Variants in DPY19L2 observed in about 807,000 individuals in gnomAD.
The protein encoded by DPY19L2 is probable C-mannosyltransferase DPY19L2.
In DPY19L2, 34 loss-of-function variants were observed where a neutral mutation model predicts 97.9. That is an observed-to-expected ratio of 0.35 (90% CI 0.26 to 0.46). The LOEUF (loss-of-function observed/expected upper bound fraction) is 0.46. DPY19L2 is among the 20% of genes least tolerant of loss of function. The pLI is 1.00. For synonymous variants in DPY19L2, 230 were observed against 307.9 expected, an observed-to-expected ratio of 0.75 and a Z score of 2.65; for missense variants, 623 against 911.4, an observed-to-expected ratio of 0.68 and a Z score of 4.07.
intron 15 of DPY19L2, among the ~76,000 whole-genome samples, chr12:63,595,732 A>T (rs1042106699): frequency 6.6e-6 from 1 of 152,182 alleles, no homozygotes; most frequent in Admixed American, 6.5e-5. Context: ...TACAATGTTA[A>T]TGTAGTCCTT....
At chr12:63,638,006 C>T (rs572334356) in intron 6 of DPY19L2, among the ~76,000 whole-genome samples, 20 of 152,240 alleles carry the variant, frequency 1.3e-4, no homozygotes, top group Admixed American at 7.2e-4. Context: ...AAAGCTTATC[C>T]ACCATGATCA....
chr12:63,603,031 C>T (rs1885432871), intron 12 of DPY19L2, among the ~76,000 whole-genome samples: 1 of 151,988 alleles, frequency 6.6e-6, no homozygotes, highest in African/African-American at 2.4e-5. Context: ...AAAACAGATT[C>T]AGAAAGGTGA....
chr12:63,640,368 C>T (rs557259768), intron 6 of DPY19L2, among the ~76,000 whole-genome samples: 4 of 152,014 alleles, frequency 2.6e-5, no homozygotes, highest in East Asian at 3.9e-4. Context: ...AAAAAAGATA[C>T]GAGAGGATAT....
At chr12:63,664,646 T>C (rs1175535229) in intron 2 of DPY19L2, among the ~76,000 whole-genome samples, 3 of 152,276 alleles carry the variant, frequency 2.0e-5, no homozygotes, top group Admixed American at 6.5e-5. Flanking sequence ...GACCTTTTAG[T>C]AGTGAAACTC....
At chr12:63,640,166 G>C (rs1348661907) in intron 6 of DPY19L2, among the ~76,000 whole-genome samples, 2 of 152,010 alleles carry the variant, frequency 1.3e-5, no homozygotes, top group Non-Finnish European at 1.5e-5. Flanking sequence ...ACACTTGGAC[G>C]CAGTTTGGGG....
chr12:63,578,531 TAC>T (rs1484094872), intron 19 of DPY19L2, among the ~76,000 whole-genome samples: 1 of 152,128 alleles, frequency 6.6e-6, no homozygotes, highest in African/African-American at 2.4e-5. Context: ...ATGTGATGAT[TAC>T]ACATTGTATG....
intron 20 of DPY19L2, among the ~76,000 whole-genome samples, chr12:63,569,771 T>C (rs1334266321): frequency 6.6e-6 from 1 of 152,110 alleles, no homozygotes; most frequent in Non-Finnish European, 1.5e-5. Context: ...GTGTATCAAG[T>C]AGAACACTTA....
At chr12:63,633,389 A>G (rs1891069158) in intron 6 of DPY19L2, among the ~76,000 whole-genome samples, 1 of 152,234 alleles carries the variant, frequency 6.6e-6, no homozygotes, top group Admixed American at 6.5e-5. Flanking sequence ...CAACCCCATC[A>G]AAAAGTGGGT....
chr12:63,667,227 T>A (rs949285361), intron 1 of DPY19L2, among the ~76,000 whole-genome samples: 4 of 152,176 alleles, frequency 2.6e-5, no homozygotes, highest in Non-Finnish European at 5.9e-5. Flanking sequence ...GAGACTATCC[T>A]GTTCAACTAT....
At chr12:63,622,991 A>T (rs1466295030) in intron 8 of DPY19L2, among the ~76,000 whole-genome samples, 1 of 152,156 alleles carries the variant, frequency 6.6e-6, no homozygotes, top group Admixed American at 6.6e-5. Context: ...AAAAATAAGG[A>T]AGACAAACAA....
chr12:63,608,482 T>G (rs979961651), intron 12 of DPY19L2, 134 bp downstream of exon 12: 9 of 927,842 alleles, frequency 9.7e-6, no homozygotes, highest in East Asian at 2.7e-5. Flanking sequence ...CTACCTTAGA[T>G]AGTAACTATT....
At chr12:63,572,834 GGTAGT>G (rs1486698413) in intron 19 of DPY19L2, among the ~76,000 whole-genome samples, 1 of 152,026 alleles carries the variant, frequency 6.6e-6, no homozygotes, top group Non-Finnish European at 1.5e-5. Context: ...AGACCACCAA[GGTAGT>G]ACCTCTAAGA....
intron 4 of DPY19L2, among the ~76,000 whole-genome samples, chr12:63,649,372 G>A (rs1893869093): frequency 6.6e-6 from 1 of 151,922 alleles, no homozygotes. Context: ...CCATACAAAA[G>A]ATCAACAAAA....
At chr12:63,581,461 T>C (rs1880878575) in intron 18 of DPY19L2, among the ~76,000 whole-genome samples, 1 of 149,984 alleles carries the variant, frequency 6.7e-6, no homozygotes, top group Non-Finnish European at 1.5e-5. Flanking sequence ...CAGGGTACTT[T>C]TGGTGAACCA....
Position 63,647,079 on chromosome 12 carries a change from C to G in DPY19L2, c.709+166G>C, listed in dbSNP as rs184061029. ...ATACTCAAATTTTTAAGTACACAGCCTTCTCAGAAAACTATTTTAAAATGT... is the reference window on the plus strand; with the variant it reads ...ATACTCAAATTTTTAAGTACACAGCGTTCTCAGAAAACTATTTTAAAATGT... On this transcript the variant is annotated intron_variant, in intron 5 of 21. Coordinates refer to ENST00000324472, the MANE Select transcript of DPY19L2 (RefSeq NM_173812.5). Among the ~76,000 whole-genome samples the G allele has an allele frequency of 4.5e-3, 679 of 152,216 alleles. 12 individuals carry two copies. Among genetic ancestry groups the G allele is most frequent in the African/African-American group, 0.015 (639 of 41,548 alleles).
At chr12:63,642,060 A>G (rs1297471512) in intron 6 of DPY19L2, among the ~76,000 whole-genome samples, 1 of 152,104 alleles carries the variant, frequency 6.6e-6, no homozygotes, top group Non-Finnish European at 1.5e-5. Flanking sequence ...CTTCTGGGAA[A>G]TATCAGTTCA....
At chr12:63,619,130 A>C (rs1888283701) in intron 9 of DPY19L2, among the ~76,000 whole-genome samples, 2 of 152,050 alleles carry the variant, frequency 1.3e-5, no homozygotes, top group Admixed American at 6.5e-5. Context: ...AAATTCCAGG[A>C]GAGCACAGAA....
At chr12:63,632,982 T>A (rs1890981368) in intron 6 of DPY19L2, among the ~76,000 whole-genome samples, 1 of 152,138 alleles carries the variant, frequency 6.6e-6, no homozygotes. Context: ...CCCTATTTAA[T>A]AAATGATGCT....
At chr12:63,617,466 C>A (rs964142227) in intron 10 of DPY19L2, 76 bp from the exon 11 acceptor site, 119 of 913,746 alleles carry the variant, frequency 1.3e-4, no homozygotes, top group Non-Finnish European at 2.1e-5. Context: ...GGTATATAGC[C>A]ATTTCTAATG....
Sources: gnomAD v4.1 joint callset for allele counts (sites outside exome capture counted in the v4.1 genomes callset) on GRCh38, gnomAD v4.1.1 for gene constraint, MANE v1.5 for transcripts, NCBI Gene and HGNC (gene_info 2026-07-23, HGNC 2026-07-21) for gene names.